The following ANKFN1 variants were observed in gnomAD, a reference collection of about 807,000 sequenced individuals.
ANKFN1 encodes ankyrin repeat and fibronectin type III domain containing 1.
ANKFN1 carries 74 observed loss-of-function variants against 108.7 expected under a neutral mutation model. That is an observed-to-expected ratio of 0.68 (90% confidence interval 0.56 to 0.83). The LOEUF (loss-of-function observed/expected upper bound fraction) is 0.83, where lower values mean the gene tolerates loss of function less well. Ranked by LOEUF, ANKFN1 falls within the 40% of genes least tolerant of loss-of-function variation. The pLI is 0.00. For missense variants in ANKFN1, 1,505 were observed against 1,382.3 expected (o/e 1.09, Z -1.41); for synonymous variants, 547 against 516.2 (o/e 1.06, Z -0.81).
At chr17:56,096,317 C>T (rs1475794468) in intron 4 of ANKFN1, among the ~76,000 whole-genome samples, 2 of 152,130 alleles carry the variant, frequency 1.3e-5, no homozygotes, top group Non-Finnish European at 2.9e-5. Flanking sequence ...TGGTTAGTTA[C>T]CATTCTCTCA....
rs144752902 is a variant in ANKFN1 at position 56,415,921 on chromosome 17, T to C, written c.911-24406T>C. 5.1e-4 allele frequency among the ~76,000 whole-genome samples: 77 copies of C among 152,066 alleles called. 1 individual carries two copies. The East Asian group carries it at 0.013, about 25-fold the overall frequency. On this transcript the variant is annotated intron_variant, in intron 8 of 20. Transcript: ENST00000682825. ...CAGAAACAAATCGATACACCTACAG[T>C]AAGCTCATTTTCAACAAAAAAGCCA...
chr17:56,111,698 A>T (rs1211861619), intron 4 of ANKFN1, among the ~76,000 whole-genome samples: 1 of 152,206 alleles, frequency 6.6e-6, no homozygotes, highest in Non-Finnish European at 1.5e-5. Flanking sequence ...GTAAAAATGA[A>T]AATCGATGGT....
At chr17:56,470,452 G>A (rs2050276700) in intron 15 of ANKFN1, among the ~76,000 whole-genome samples, 1 of 152,064 alleles carries the variant, frequency 6.6e-6, no homozygotes, top group Non-Finnish European at 1.5e-5. Flanking sequence ...AGCATCTGTT[G>A]TTTCTTGAAT....
intron 4 of ANKFN1, among the ~76,000 whole-genome samples, chr17:56,131,788 G>A (rs1432829444): frequency 6.6e-6 from 1 of 152,136 alleles, no homozygotes; most frequent in African/African-American, 2.4e-5. Flanking sequence ...CATTTTGGAA[G>A]GCCGAGACAG....
At chr17:56,302,517 C>CAAAAAAAAA (rs774091391) in intron 3 of ANKFN1, among the ~76,000 whole-genome samples, 1 of 96,438 alleles carries the variant, frequency 1.0e-5, no homozygotes. Context: ...CTAGCCTCTA[C>CAAAAAAAAA]AAAAAAAAAA....
At chr17:56,288,476 G>C (rs528515785) in intron 3 of ANKFN1, among the ~76,000 whole-genome samples, 32 of 151,152 alleles carry the variant, frequency 2.1e-4, no homozygotes, top group Non-Finnish European at 3.7e-4. Flanking sequence ...TTTTTTGTTT[G>C]CTTATTTAAA....
intron 3 of ANKFN1, among the ~76,000 whole-genome samples, chr17:56,230,621 T>C (rs542895908): frequency 1.3e-5 from 2 of 152,154 alleles, no homozygotes; most frequent in African/African-American, 4.8e-5. Flanking sequence ...GCACCCACAT[T>C]CTTTCTTTTC....
chr17:56,350,813 G>A lies in ANKFN1; in HGVS notation c.236G>A (p.Cys79Tyr). 6.2e-7 allele frequency: 1 copy of A among 1,613,708 alleles called. No homozygotes were observed. ...CAACAAATGCAAAATTTACATCTCT[G>A]TCAGTCAAAAAAACATAGTGCTCCC... ...MTQQMQNLHL[C>Y]QSKKHSAPSS... Residue 79 changes from cysteine to tyrosine, a missense_variant, in exon 5 of 21, where the codon TGT (cysteine) becomes TAT (tyrosine). Coordinates refer to ENST00000682825, the MANE Select transcript of ANKFN1 (RefSeq NM_001370326.1).
intron 4 of ANKFN1, among the ~76,000 whole-genome samples, chr17:56,077,965 A>G (rs1395665452): frequency 6.6e-6 from 1 of 152,190 alleles, no homozygotes; most frequent in African/African-American, 2.4e-5. Context: ...TTTCATGGAG[A>G]AATTTTAGAT....
chr17:56,205,077 AAAAAC>A (rs112880628), intron 1 of ANKFN1, among the ~76,000 whole-genome samples: 17,514 of 151,732 alleles, frequency 0.12, 1,285 homozygotes, highest in East Asian at 0.29. Context: ...ACTCCGTCTC[AAAAAC>A]AAAACAAAAC....
At position 56,448,069 on chromosome 17, in the gene ANKFN1, T is replaced by G. The variant is rs182138857; in HGVS notation, c.1100-1010T>G. 1.8e-3 allele frequency among the ~76,000 whole-genome samples: 278 copies of G among 152,080 alleles called. 1 individual carries two copies. Among genetic ancestry groups the G allele is most frequent in the African/African-American group, 6.4e-3 (267 of 41,488 alleles). ...TAAAATAAATCTGTGGGGGAAGGAG[T>G]TTGAAACTTGTTCAACTAGAATTTA... On this transcript the variant is annotated intron_variant, in intron 10 of 20. Transcript: ENST00000682825.
chr17:56,467,764 A>G (rs1399914582), intron 15 of ANKFN1, among the ~76,000 whole-genome samples: 1 of 33,864 alleles, frequency 3.0e-5, no homozygotes, highest in African/African-American at 1.3e-4. Flanking sequence ...AGAAAGAAAG[A>G]AAGAAAGAAA....
intron 3 of ANKFN1, among the ~76,000 whole-genome samples, chr17:56,262,772 A>G (rs1021813031): frequency 6.6e-6 from 1 of 152,188 alleles, no homozygotes; most frequent in African/African-American, 2.4e-5. Flanking sequence ...TTTCAAAACA[A>G]CCTGTGACCT....
rs1910950710 is a variant in ANKFN1, at chr17:56,174,490, C to G, written c.-71+20960C>G. On this transcript the variant is annotated intron_variant, in intron 1 of 20. Transcript: ENST00000682825. ...GACCTGGTGCAATTACTTGTGCTCCCCCTCCATGGAGTCTCTCTGTGCCTT... is the reference window on the plus strand; with the variant it reads ...GACCTGGTGCAATTACTTGTGCTCCGCCTCCATGGAGTCTCTCTGTGCCTT... 3 of 862,516 alleles carry G rather than the reference C, an allele frequency of 3.5e-6. No homozygotes were observed. In the South Asian group the frequency reaches 1.6e-4, roughly 46 times the overall value. 53.4% of individuals were successfully genotyped at this position (862,516 alleles called of 1,614,324 possible). A position where few individuals can be genotyped will look rare whatever the true frequency, so the allele number is the denominator to read the frequency against.
At chr17:56,310,548 C>T (rs1229367463) in intron 3 of ANKFN1, among the ~76,000 whole-genome samples, 1 of 150,548 alleles carries the variant, frequency 6.6e-6, no homozygotes, top group Non-Finnish European at 1.5e-5. Context: ...AGCTGGGAGG[C>T]GGAGCTTGCA....
intron 8 of ANKFN1, among the ~76,000 whole-genome samples, chr17:56,396,786 CCA>C (rs1056584567): frequency 7.9e-5 from 12 of 151,982 alleles, no homozygotes; most frequent in Non-Finnish European, 1.6e-4. Context: ...GCTGAAGGTC[CCA>C]CAGCCAGTAT....
chr17:56,267,478 T>A (rs2144156708), intron 3 of ANKFN1, among the ~76,000 whole-genome samples: 1 of 152,322 alleles, frequency 6.6e-6, no homozygotes, highest in African/African-American at 2.4e-5. Context: ...CATCATGAAC[T>A]CATTGACAGG....
At chr17:56,401,012 A>T (rs1034928937) in intron 8 of ANKFN1, among the ~76,000 whole-genome samples, 8 of 152,146 alleles carry the variant, frequency 5.3e-5, no homozygotes, top group African/African-American at 1.9e-4. Context: ...GTTTGAAATC[A>T]GGTAGTGTGA....
chr17:56,109,818 C>A (rs564444312), intron 4 of ANKFN1, among the ~76,000 whole-genome samples: 1 of 152,332 alleles, frequency 6.6e-6, no homozygotes, highest in Admixed American at 6.5e-5. Context: ...AAATGAAATA[C>A]TGCGTGTGAT....
Sources: allele counts gnomAD v4.1 joint callset (sites outside exome capture counted in the v4.1 genomes callset), GRCh38; gene constraint gnomAD v4.1.1; transcripts MANE v1.5; gene names NCBI Gene and HGNC (gene_info 2026-07-23, HGNC 2026-07-21).